ADGB: variants seen among roughly 807,000 people sequenced by gnomAD.
ADGB encodes calpain-7-like protein.
ADGB carries 172 observed loss-of-function variants against 210.5 expected under a neutral mutation model. The ratio of observed to expected loss-of-function variants is 0.82; its 90% confidence interval spans 0.72 to 0.93. The LOEUF is 0.93. Ranked by LOEUF, ADGB falls within the 40% of genes least tolerant of loss-of-function variation. The pLI is 0.00. For synonymous variants in ADGB, 658 were observed against 662.7 expected (o/e 0.99, Z 0.11); for missense variants, 2,025 against 1,964.8 (o/e 1.03, Z -0.58).
At position 146,784,674 on chromosome 6, in the gene ADGB, G is replaced by A. The variant is rs989023731; in HGVS notation, c.4092G>A (p.Arg1364=). 1.3e-6 allele frequency: 2 copies of A among 1,551,320 alleles called. No homozygotes were observed. The highest frequency in any genetic ancestry group is 1.7e-6 in the Non-Finnish European group (2 of 1,146,732). ...CAAATAAACCCTACTGGATTTTGAGGTTGGTCACTGAACACAATGAATCAG... is the reference window on the plus strand; with the variant it reads ...CAAATAAACCCTACTGGATTTTGAGATTGGTCACTGAACACAATGAATCAG... ...EDPNKPYWIL[R]LVTEHNESEL... The change falls in exon 31 of 36, where the codon AGG becomes AGA. Residue 1364 remains arginine (R), a synonymous_variant. Coordinates refer to ENST00000397944, the MANE Select transcript of ADGB (RefSeq NM_024694.4).
In ADGB at chr6:146,691,310, C is replaced by T; in HGVS notation, c.1486+20C>T. 1 of 1,510,652 alleles carries T rather than the reference C, an allele frequency of 6.6e-7. No individual in the cohort carries two copies. Among genetic ancestry groups the T allele is most frequent in the South Asian group, 1.3e-5 (1 of 78,094 alleles). 93.6% of individuals were successfully genotyped at this position (1,510,652 alleles called of 1,614,324 possible). ...CTCAAGGTATGTATCACATCATCTT[C>T]AAATCCTTCTAATTAATGTATGAAA... is the stretch of plus-strand genomic sequence containing the variant. On this transcript the variant is annotated intron_variant, in intron 11 of 35. Coordinates refer to ENST00000397944, the MANE Select transcript of ADGB (RefSeq NM_024694.4).
intron 3 of ADGB, among the ~76,000 whole-genome samples, chr6:146,651,740 C>G (rs1030710353): frequency 2.2e-4 from 33 of 151,890 alleles, no homozygotes; most frequent in African/African-American, 8.0e-4. Context: ...CAAAAGTAGC[C>G]CCTGGGATTT....
At chr6:146,760,127 A>G (rs1401302848) in intron 27 of ADGB, among the ~76,000 whole-genome samples, 4 of 151,902 alleles carry the variant, frequency 2.6e-5, no homozygotes, top group Admixed American at 2.0e-4. Context: ...ATTTTTTATT[A>G]AAGTATAATT....
At chr6:146,645,251 C>A (rs1775590918) in intron 3 of ADGB, among the ~76,000 whole-genome samples, 2 of 152,102 alleles carry the variant, frequency 1.3e-5, no homozygotes, top group Admixed American at 1.3e-4. Context: ...AATATTCCAG[C>A]CCAAGAGTTT....
chr6:146,640,914 G>A (rs1370863967), intron 2 of ADGB, among the ~76,000 whole-genome samples: 1 of 151,952 alleles, frequency 6.6e-6, no homozygotes, highest in African/African-American at 2.4e-5. Flanking sequence ...CCTAGCCAGA[G>A]CAATCAGGCT....
intron 33 of ADGB, 92 bp downstream of exon 33, chr6:146,788,702 C>T: frequency 1.8e-6 from 2 of 1,136,280 alleles, no homozygotes; most frequent in Non-Finnish European, 2.5e-6. Context: ...ACGGCTAGGG[C>T]TATAGAAGTA....
chr6:146,755,624 A>G (rs2114615514), intron 27 of ADGB, among the ~76,000 whole-genome samples: 2 of 152,176 alleles, frequency 1.3e-5, no homozygotes, highest in Middle Eastern at 6.8e-3. Flanking sequence ...TCCTTTATAA[A>G]TTATCTAGTC....
chr6:146,635,520 G>A lies in ADGB; in HGVS notation c.220G>A (p.Gly74Arg). Residue 74 changes from glycine to arginine, a missense_variant, in exon 2 of 36, where the codon GGA becomes AGA. Gly to Arg is a moderately radical substitution (Grantham distance 125). Coordinates refer to ENST00000397944, the MANE Select transcript of ADGB (RefSeq NM_024694.4). ...GKGAKEKDKTGKSPVFHFFED... is the reference protein window; with the variant it reads ...GKGAKEKDKTRKSPVFHFFED... ...AGGTGCAAAAGAAAAGGACAAAACA[G>A]GAAAAAGCCCTGTATTTGTAAGTAG... The A allele has an allele frequency of 6.5e-7, 1 of 1,537,286 alleles. No individual in the cohort carries two copies. The highest frequency in any genetic ancestry group is 2.1e-5 in the Admixed American group (1 of 48,474).
Position 146,684,535 on chromosome 6 carries a change from T to G in ADGB, c.1217-1199T>G, listed in dbSNP as rs371125506. Among the ~76,000 whole-genome samples, 5 of 152,218 alleles carry G rather than the reference T, an allele frequency of 3.3e-5. No individual in the cohort carries two copies. In the East Asian group the frequency reaches 9.7e-4, roughly 29 times the overall value. ...AAATGGTCTTATCTGATGATAGGAGTGCATGAAAAGTATTTTCATAAACAT... is the reference window on the plus strand; with the variant it reads ...AAATGGTCTTATCTGATGATAGGAGGGCATGAAAAGTATTTTCATAAACAT... On this transcript the variant is annotated intron_variant, in intron 9 of 35. Transcript: ENST00000397944.
chr6:146,621,176 G>C lies in ADGB; in HGVS notation c.75-14199G>C, dbSNP rs145746596. On this transcript the variant is annotated intron_variant, in intron 1 of 35. Coordinates refer to ENST00000397944, the MANE Select transcript of ADGB (RefSeq NM_024694.4). ...CTTGGGAAGACTTAAGTTGGCACTA[G>C]GTATTAATTCTGATCTTTTAGTTTT... is the stretch of plus-strand genomic sequence containing the variant. Among the ~76,000 whole-genome samples, 299 of 152,228 alleles carry C rather than the reference G, an allele frequency of 2.0e-3. 1 individual carries two copies. Among genetic ancestry groups the C allele is most frequent in the African/African-American group, 7.0e-3 (292 of 41,530 alleles).
At chr6:146,797,987 TA>T (rs995168718) in intron 33 of ADGB, among the ~76,000 whole-genome samples, 36 of 143,488 alleles carry the variant, frequency 2.5e-4, no homozygotes, top group Non-Finnish European at 5.3e-4. Context: ...AAAAGTTGGA[TA>T]GAAAGTAATA....
At chr6:146,760,041 AAAAT>A (rs1475410560) in intron 27 of ADGB, among the ~76,000 whole-genome samples, 6 of 151,842 alleles carry the variant, frequency 4.0e-5, no homozygotes, top group Non-Finnish European at 7.4e-5. Context: ...TGTTTTTGTA[AAAAT>A]AATGAGTTAT....
chr6:146,677,221 G>T (rs926833105), intron 9 of ADGB, among the ~76,000 whole-genome samples: 2 of 152,056 alleles, frequency 1.3e-5, no homozygotes, highest in African/African-American at 2.4e-5. Flanking sequence ...AAATGATACC[G>T]CAACCTATTC....
chr6:146,710,820 C>G (rs1776648143), intron 13 of ADGB, among the ~76,000 whole-genome samples: 1 of 152,102 alleles, frequency 6.6e-6, no homozygotes, highest in Non-Finnish European at 1.5e-5. Context: ...CCAGAGTCAC[C>G]TACTTTTATT....
At chr6:146,699,581 A>G (rs905655127) in intron 12 of ADGB, among the ~76,000 whole-genome samples, 1 of 151,900 alleles carries the variant, frequency 6.6e-6, no homozygotes, top group Non-Finnish European at 1.5e-5. Context: ...CTCTGGAAGC[A>G]CTCTCACAGA....
chr6:146,631,263 A>G (rs1781060582), intron 1 of ADGB, among the ~76,000 whole-genome samples: 1 of 152,168 alleles, frequency 6.6e-6, no homozygotes, highest in Admixed American at 6.6e-5. Flanking sequence ...CTTTCATACC[A>G]GAGTGTGACC....
At chr6:146,743,999 T>C (rs1469850598) in intron 25 of ADGB, among the ~76,000 whole-genome samples, 3 of 152,216 alleles carry the variant, frequency 2.0e-5, no homozygotes, top group African/African-American at 4.8e-5. Flanking sequence ...TGGACCCTTT[T>C]GTGCTGCAGT....
Position 146,617,084 on chromosome 6 carries a change from AT to A in ADGB, c.74+17978del, listed in dbSNP as rs529857413. ...AATTCTTCCAATTTATGAGAATGAG[AT>A]TTTTTTTCATCTTTTTGTGTCCTTT... On this transcript the variant is annotated intron_variant, in intron 1 of 35. Coordinates refer to ENST00000397944, the MANE Select transcript of ADGB (RefSeq NM_024694.4). Among the ~76,000 whole-genome samples the A allele has an allele frequency of 9.4e-3, 1,423 of 151,736 alleles. 19 individuals are homozygous for A. Among genetic ancestry groups the A allele is most frequent in the African/African-American group, 0.031 (1,269 of 41,388 alleles).
At chr6:146,804,266 C>G (rs1484481630) in intron 35 of ADGB, among the ~76,000 whole-genome samples, 1 of 150,970 alleles carries the variant, frequency 6.6e-6, no homozygotes. Flanking sequence ...GCAACACACA[C>G]GCACACACTC....
Sources: allele counts gnomAD v4.1 joint callset (sites outside exome capture counted in the v4.1 genomes callset), GRCh38; gene constraint gnomAD v4.1.1; transcripts MANE v1.5; gene names NCBI Gene and HGNC (gene_info 2026-07-23, HGNC 2026-07-21).